The following FAAH2 variants were observed in gnomAD, a reference collection of about 807,000 sequenced individuals.
FAAH2 encodes fatty-acid amide hydrolase 2.
Under a neutral mutation model 36.9 loss-of-function variants are expected in FAAH2, and 60 were observed. That is an observed-to-expected ratio of 1.63 (90% CI 1.32 to 2.02). The LOEUF is 2.02. Ranked by LOEUF, FAAH2 falls within the 30% of genes most tolerant of loss-of-function variation. The pLI is 0.00. For missense variants in FAAH2, 689 were observed against 397.5 expected (o/e 1.73, Z -6.23); for synonymous variants, 214 against 143.8 (o/e 1.49, Z -3.49).
chrX:57,427,286 G>A (rs2056185946), intron 7 of FAAH2, among the ~76,000 whole-genome samples: 1 of 110,157 alleles, frequency 9.1e-6, no homozygotes, highest in Admixed American at 9.7e-5. Flanking sequence ...AGGACCAAAT[G>A]GATTTACAGC....
the FAAH2 span, among the ~76,000 whole-genome samples, chrX:57,233,631 T>A: frequency 9.0e-6 from 1 of 111,599 alleles, no homozygotes; most frequent in African/African-American, 3.2e-5. Context: ...AGCTTCCTTT[T>A]TGTTTTGTTT....
the FAAH2 span, among the ~76,000 whole-genome samples, chrX:57,204,048 T>G: frequency 8.9e-3 from 986 of 111,246 alleles, 10 homozygotes; most frequent in African/African-American, 0.031. Flanking sequence ...CTGAACATAG[T>G]GTGGCCATGG....
chrX:57,134,211 CT>C, the FAAH2 span, among the ~76,000 whole-genome samples: 1 of 111,678 alleles, frequency 9.0e-6, no homozygotes, highest in Non-Finnish European at 1.9e-5. Context: ...AGCCTTGACC[CT>C]TTTTTGTGAC....
intron 10 of FAAH2, among the ~76,000 whole-genome samples, chrX:57,450,687 C>T (rs1168367344): frequency 1.8e-5 from 2 of 111,160 alleles, no homozygotes; most frequent in African/African-American, 6.5e-5. Flanking sequence ...TTGTCTCCTA[C>T]TTACAAGATG....
At chrX:57,167,944 A>T in the FAAH2 span, among the ~76,000 whole-genome samples, 1 of 111,268 alleles carries the variant, frequency 9.0e-6, no homozygotes, top group Non-Finnish European at 1.9e-5. Flanking sequence ...CCTTTTCAAG[A>T]TCTTTATGTG....
intron 3 of FAAH2, among the ~76,000 whole-genome samples, chrX:57,323,087 G>C (rs1448922405): frequency 2.7e-5 from 3 of 110,736 alleles, no homozygotes; most frequent in African/African-American, 9.9e-5. Flanking sequence ...TGCGGTGTTT[G>C]GTTTTTTGTC....
At chrX:57,153,488 G>T in the FAAH2 span, among the ~76,000 whole-genome samples, 1 of 111,722 alleles carries the variant, frequency 9.0e-6, no homozygotes, top group Non-Finnish European at 1.9e-5. Context: ...AAGTGGTTTT[G>T]TTTTGATGTG....
intron 10 of FAAH2, among the ~76,000 whole-genome samples, chrX:57,455,430 T>C (rs1432880086): frequency 9.0e-6 from 1 of 110,578 alleles, no homozygotes; most frequent in Non-Finnish European, 1.9e-5. Flanking sequence ...GATGACAGGA[T>C]CAAAATCTCA....
At chrX:57,159,988 T>G in the FAAH2 span, among the ~76,000 whole-genome samples, 1 of 111,925 alleles carries the variant, frequency 8.9e-6, no homozygotes, top group East Asian at 2.8e-4. Flanking sequence ...CATAGATAGC[T>G]CTTATTATTT....
intron 2 of FAAH2, among the ~76,000 whole-genome samples, chrX:57,307,187 T>C (rs986350203): frequency 6.7e-5 from 7 of 104,565 alleles, no homozygotes; most frequent in African/African-American, 2.4e-4. Flanking sequence ...ATCTTTCTAT[T>C]CTCTCTGTTT....
At chrX:57,383,348 A>G (rs2054912041) in intron 7 of FAAH2, among the ~76,000 whole-genome samples, 1 of 111,958 alleles carries the variant, frequency 8.9e-6, no homozygotes, top group Non-Finnish European at 1.9e-5. Flanking sequence ...GCAGAAGGAA[A>G]TAAAGGGTTT....
chrX:57,400,388 C>T (rs957103797), intron 7 of FAAH2, among the ~76,000 whole-genome samples: 3 of 112,201 alleles, frequency 2.7e-5, no homozygotes, highest in Admixed American at 9.4e-5. Context: ...AAGCTGGCCC[C>T]TCGGACCTGT....
intron 10 of FAAH2, among the ~76,000 whole-genome samples, chrX:57,456,132 A>G (rs948739746): frequency 2.7e-5 from 3 of 112,300 alleles, no homozygotes; most frequent in Non-Finnish European, 1.9e-5. Context: ...ATAAAAGCAG[A>G]AATCAATACC....
chrX:57,251,253 T>C, the FAAH2 span, among the ~76,000 whole-genome samples: 11 of 112,154 alleles, frequency 9.8e-5, no homozygotes, highest in East Asian at 2.5e-3. Flanking sequence ...ACAATAACCA[T>C]ATGATTATCT....
At chrX:57,201,661 T>G in the FAAH2 span, among the ~76,000 whole-genome samples, 2 of 111,459 alleles carry the variant, frequency 1.8e-5, no homozygotes, top group Non-Finnish European at 3.8e-5. Flanking sequence ...TTTTATAACC[T>G]TCTTGGATAT....
chrX:57,389,404 C>G (rs776409811), intron 7 of FAAH2, among the ~76,000 whole-genome samples: 20 of 107,024 alleles, frequency 1.9e-4, no homozygotes, highest in Non-Finnish European at 3.3e-4. Context: ...TTCCTGGCAA[C>G]TACGATTCTA....
At chrX:57,288,970 T>G (rs915112906) in intron 1 of FAAH2, among the ~76,000 whole-genome samples, 7 of 111,049 alleles carry the variant, frequency 6.3e-5, no homozygotes, top group Non-Finnish European at 1.1e-4. Flanking sequence ...TATCCCTTAG[T>G]TTCTGACATT....
chrX:57,169,628 G>A, the FAAH2 span, among the ~76,000 whole-genome samples: 1 of 87,014 alleles, frequency 1.1e-5, no homozygotes, highest in Non-Finnish European at 2.3e-5. Flanking sequence ...TTTGAGTAAA[G>A]CAGATTACTC....
the FAAH2 span, among the ~76,000 whole-genome samples, chrX:57,150,582 C>A: frequency 9.0e-6 from 1 of 111,730 alleles, no homozygotes; most frequent in Non-Finnish European, 1.9e-5. Context: ...AGGATTGCAA[C>A]CTCTGCCCTT....
Sources: allele counts gnomAD v4.1 joint callset (sites outside exome capture counted in the v4.1 genomes callset), GRCh38; gene constraint gnomAD v4.1.1; transcripts MANE v1.5; gene names NCBI Gene and HGNC (gene_info 2026-07-23, HGNC 2026-07-21).